The following CARMIL1 variants were observed in gnomAD, a reference collection of about 807,000 sequenced individuals.
CARMIL1 encodes capping protein regulator and myosin 1 linker 1.
Under a neutral mutation model 177.1 loss-of-function variants are expected in CARMIL1, and 90 were observed. That is an observed-to-expected ratio of 0.51 (90% CI 0.43 to 0.61). CARMIL1 has a LOEUF of 0.61. Among genes scored for constraint, CARMIL1 ranks in the 20% least tolerant of loss-of-function variants. The pLI is 0.00. For missense variants in CARMIL1, 1,380 were observed against 1,667.0 expected, an observed-to-expected ratio of 0.83 and a Z score of 3.00; for synonymous variants, 577 against 606.2, an observed-to-expected ratio of 0.95 and a Z score of 0.71.
intron 2 of CARMIL1, among the ~76,000 whole-genome samples, chr6:25,413,929 T>C (rs945434637): frequency 1.3e-5 from 2 of 152,222 alleles, no homozygotes; most frequent in Admixed American, 1.3e-4. Context: ...TTTGTTTTGT[T>C]CTTTTGACAA....
At chr6:25,407,359 C>A (rs1326786239) in intron 2 of CARMIL1, among the ~76,000 whole-genome samples, 3 of 149,910 alleles carry the variant, frequency 2.0e-5, no homozygotes, top group Non-Finnish European at 4.4e-5. Flanking sequence ...AAGGTTCCTG[C>A]AAAGACAGGT....
chr6:25,498,439 T>A (rs1470296013), intron 16 of CARMIL1, among the ~76,000 whole-genome samples: 1 of 152,176 alleles, frequency 6.6e-6, no homozygotes, highest in Non-Finnish European at 1.5e-5. Context: ...TTTCTATGGG[T>A]TATTTATTTT....
At chr6:25,385,096 T>C (rs990891993) in intron 2 of CARMIL1, among the ~76,000 whole-genome samples, 1 of 152,140 alleles carries the variant, frequency 6.6e-6, no homozygotes, top group East Asian at 1.9e-4. Context: ...TTAAAACAGA[T>C]AGTAATGTGG....
At position 25,450,724 on chromosome 6, in the gene CARMIL1, CTTCCTTCT is replaced by C. The variant is rs146339541; in HGVS notation, c.614+19_614+26del. On this transcript the variant is annotated intron_variant, in intron 8 of 36. Coordinates refer to ENST00000329474, the MANE Select transcript of CARMIL1 (RefSeq NM_017640.6). ...ATCTTGACCACAGGTAAGCTGCTTC[CTTCCTTCT>C]TTCCTCCTTTCCTCCCTCCCTTCCT... 0.098 allele frequency: 151,585 copies of C among 1,540,266 alleles called. 11,590 individuals carry two copies. Among genetic ancestry groups the C allele is most frequent in the East Asian group, 0.34 (14,715 of 42,840 alleles).
chr6:25,298,349 A>G (rs555377590), intron 2 of CARMIL1, among the ~76,000 whole-genome samples: 7 of 152,186 alleles, frequency 4.6e-5, no homozygotes, highest in Non-Finnish European at 1.0e-4. Flanking sequence ...ACATGTTGTT[A>G]TGTTTTCTCT....
At chr6:25,491,902 G>A (rs763049333) in intron 14 of CARMIL1, 46 bp from the exon 15 acceptor site, 1 of 1,586,020 alleles carries the variant, frequency 6.3e-7, no homozygotes, top group African/African-American at 1.3e-5. Context: ...AGATTCTCCT[G>A]GACCTAGAAA....
At position 25,321,429 on chromosome 6, in the gene CARMIL1, T is replaced by C. The variant is rs531153637; in HGVS notation, c.138+36520T>C. 9.2e-5 allele frequency among the ~76,000 whole-genome samples: 14 copies of C among 152,250 alleles called. No individual in the cohort carries two copies. The South Asian group carries it at 2.9e-3, about 32-fold the overall frequency. On this transcript the variant is annotated intron_variant, in intron 2 of 36. Coordinates refer to ENST00000329474, the MANE Select transcript of CARMIL1 (RefSeq NM_017640.6). ...CTGATCCAGCCTTGAGGAGACAAGG[T>C]GGCATCTGAATTAATGAGTGCATTA...
chr6:25,503,398 C>T (rs1804600955), intron 17 of CARMIL1, among the ~76,000 whole-genome samples: 1 of 152,142 alleles, frequency 6.6e-6, no homozygotes, highest in African/African-American at 2.4e-5. Flanking sequence ...GTTTCTTAGG[C>T]CTAGATGTCC....
rs183822023 is a variant in CARMIL1, at chr6:25,404,219, T to G, written c.139-15895T>G. Among the ~76,000 whole-genome samples the G allele has an allele frequency of 2.5e-3, 387 of 152,354 alleles. 1 individual carries two copies. The highest frequency in any genetic ancestry group is 7.4e-3 in the African/African-American group (307 of 41,586). ...CATAGAAGGGAGTTTGAACCAGGGC[T>G]TCAGGGAGTTGTCTGTGGACAGCTT... is the stretch of plus-strand genomic sequence containing the variant. On this transcript the variant is annotated intron_variant, in intron 2 of 36. Coordinates refer to ENST00000329474, the MANE Select transcript of CARMIL1 (RefSeq NM_017640.6).
intron 8 of CARMIL1, among the ~76,000 whole-genome samples, chr6:25,451,650 G>A (rs923561885): frequency 2.6e-5 from 4 of 152,044 alleles, no homozygotes; most frequent in Admixed American, 2.6e-4. Flanking sequence ...AATTTATTTT[G>A]CTCTCTAACA....
intron 33 of CARMIL1, among the ~76,000 whole-genome samples, chr6:25,604,329 C>T (rs960004488): frequency 3.9e-5 from 6 of 152,304 alleles, no homozygotes; most frequent in Admixed American, 1.3e-4. Context: ...ATTCTCCCAT[C>T]TCAGTTTCCC....
chr6:25,401,228 G>A lies in CARMIL1; in HGVS notation c.139-18886G>A, dbSNP rs575011144. Among the ~76,000 whole-genome samples, 9 of 151,856 alleles carry A rather than the reference G, an allele frequency of 5.9e-5. No homozygotes were observed. The South Asian group carries it at 1.9e-3, about 32-fold the overall frequency. On this transcript the variant is annotated intron_variant, in intron 2 of 36. Coordinates refer to ENST00000329474, the MANE Select transcript of CARMIL1 (RefSeq NM_017640.6). ...CAGCTCTTAATTAATAATGTTGCAG[G>A]GATGCAATTGCTAATTTTAATATTC...
chr6:25,570,676 T>C (rs1478856305), intron 29 of CARMIL1, among the ~76,000 whole-genome samples: 1 of 152,246 alleles, frequency 6.6e-6, no homozygotes. Flanking sequence ...ATCAGTGCCG[T>C]TCCCTAAGTG....
chr6:25,334,506 A>G (rs144784514), intron 2 of CARMIL1, among the ~76,000 whole-genome samples: 127 of 152,300 alleles, frequency 8.3e-4, no homozygotes, highest in African/African-American at 2.9e-3. Flanking sequence ...CAGCTTAACT[A>G]ATCTCCATGC....
chr6:25,563,204 A>G lies in CARMIL1; in HGVS notation c.2742+6354A>G. On this transcript the variant is annotated intron_variant, in intron 29 of 36. Coordinates refer to ENST00000329474, the MANE Select transcript of CARMIL1 (RefSeq NM_017640.6). ...CAGTCTTACTTTTCCTCCCTTAGAA[A>G]CCTCATGCTTTTCAACATGCCATGA... is the stretch of plus-strand genomic sequence containing the variant. The G allele has an allele frequency of 3.0e-6, 3 of 985,284 alleles. No homozygotes were observed. The East Asian group carries it at 3.4e-4, about 112-fold the overall frequency. 61.0% of individuals were successfully genotyped at this position (985,284 alleles called of 1,614,324 possible). A position where few individuals can be genotyped will look rare whatever the true frequency, so the allele number is the denominator to read the frequency against.
At chr6:25,441,058 C>T (rs753263503) in intron 5 of CARMIL1, among the ~76,000 whole-genome samples, 2 of 151,974 alleles carry the variant, frequency 1.3e-5, no homozygotes, top group Non-Finnish European at 2.9e-5. Context: ...TCTGATTTTA[C>T]CCATATACAA....
intron 26 of CARMIL1, among the ~76,000 whole-genome samples, chr6:25,542,014 TC>T (rs1474794694): frequency 6.6e-6 from 1 of 152,218 alleles, no homozygotes; most frequent in African/African-American, 2.4e-5. Context: ...ATAATTTCAT[TC>T]CCCCTTTGTA....
chr6:25,327,602 T>C (rs1785246309), intron 2 of CARMIL1, among the ~76,000 whole-genome samples: 1 of 152,330 alleles, frequency 6.6e-6, no homozygotes, highest in Non-Finnish European at 1.5e-5. Context: ...AATGAGCATT[T>C]TGTAGTCCTG....
At chr6:25,406,452 G>A (rs116328532) in intron 2 of CARMIL1, among the ~76,000 whole-genome samples, 1 of 149,956 alleles carries the variant, frequency 6.7e-6, no homozygotes, top group Non-Finnish European at 1.5e-5. Flanking sequence ...ATAATGTTTG[G>A]GTTCTTAAAA....
Sources: gnomAD v4.1 joint callset for allele counts (sites outside exome capture counted in the v4.1 genomes callset) on GRCh38, gnomAD v4.1.1 for gene constraint, MANE v1.5 for transcripts, NCBI Gene and HGNC (gene_info 2026-07-23, HGNC 2026-07-21) for gene names.